The following MACROD2 variants were observed in gnomAD, a reference collection of about 807,000 sequenced individuals.
MACROD2 encodes mono-ADP ribosylhydrolase 2, also known as ADP-ribose glycohydrolase MACROD2.
A neutral mutation model predicts 70.4 loss-of-function variants in MACROD2; 36 were observed. The ratio of observed to expected loss-of-function variants is 0.51; its 90% CI spans 0.39 to 0.68. MACROD2 has a LOEUF of 0.68. Ranked by LOEUF, MACROD2 falls within the 30% of genes least tolerant of loss-of-function variation. MACROD2 has a pLI of 0.00. For missense variants in MACROD2, 496 were observed against 538.4 expected (o/e 0.92, Z 0.78); for synonymous variants, 172 against 178.8 (o/e 0.96, Z 0.30).
intron 8 of MACROD2, among the ~76,000 whole-genome samples, chr20:15,551,426 T>C (rs757391305): frequency 6.6e-6 from 1 of 152,114 alleles, no homozygotes; most frequent in Non-Finnish European, 1.5e-5. Flanking sequence ...TATCATATTA[T>C]TATTTTACCA....
At chr20:14,376,222 A>G (rs1052218130) in intron 3 of MACROD2, among the ~76,000 whole-genome samples, 1 of 152,174 alleles carries the variant, frequency 6.6e-6, no homozygotes, top group African/African-American at 2.4e-5. Flanking sequence ...TCTTCCTTAA[A>G]GTCTGCTTTT....
At chr20:14,745,869 G>T (rs967062725) in intron 5 of MACROD2, among the ~76,000 whole-genome samples, 4 of 152,108 alleles carry the variant, frequency 2.6e-5, no homozygotes, top group Non-Finnish European at 5.9e-5. Context: ...TGCTTCTGAT[G>T]AAAACTTACT....
At chr20:14,848,863 C>T (rs896834117) in intron 5 of MACROD2, among the ~76,000 whole-genome samples, 17 of 151,970 alleles carry the variant, frequency 1.1e-4, no homozygotes, top group Non-Finnish European at 1.8e-4. Flanking sequence ...GAGGTTGTGC[C>T]GTCTAATTAG....
intron 8 of MACROD2, among the ~76,000 whole-genome samples, chr20:15,854,505 A>G (rs892756515): frequency 6.6e-6 from 1 of 152,196 alleles, no homozygotes; most frequent in Non-Finnish European, 1.5e-5. Flanking sequence ...TAACACTTTG[A>G]TTGCAGCTTT....
intron 4 of MACROD2, among the ~76,000 whole-genome samples, chr20:14,561,298 A>C (rs1416823540): frequency 6.6e-6 from 1 of 151,790 alleles, no homozygotes; most frequent in African/African-American, 2.4e-5. Context: ...AACTTTTTCA[A>C]ATTTTTCTTT....
At chr20:15,777,492 TTTTTC>T (rs1231056172) in intron 8 of MACROD2, among the ~76,000 whole-genome samples, 160 of 149,472 alleles carry the variant, frequency 1.1e-3, no homozygotes, top group African/African-American at 3.9e-3. Context: ...TTGATTCTTT[TTTTTC>T]CTTCCTTCCT....
chr20:14,599,388 T>C (rs759769872), intron 4 of MACROD2, among the ~76,000 whole-genome samples: 1 of 152,130 alleles, frequency 6.6e-6, no homozygotes, highest in Non-Finnish European at 1.5e-5. Context: ...ATTGGGACTT[T>C]GGAGGATGGG....
intron 3 of MACROD2, among the ~76,000 whole-genome samples, chr20:14,421,403 T>A (rs536681781): frequency 6.6e-6 from 1 of 152,218 alleles, no homozygotes; most frequent in Non-Finnish European, 1.5e-5. Flanking sequence ...TTAGTAGTTA[T>A]GAGTCTATCC....
At chr20:14,205,007 A>ACTAGCTGTAACTAGCTACATATAT (rs1375763247) in intron 3 of MACROD2, among the ~76,000 whole-genome samples, 22 of 152,222 alleles carry the variant, frequency 1.4e-4, no homozygotes, top group Admixed American at 1.4e-3. Flanking sequence ...AGAGAGAGGA[A>ACTAGCTGTAACTAGCTACATATAT]ATGCTGTAAC....
chr20:14,062,994 G>T (rs1285004465), intron 2 of MACROD2, among the ~76,000 whole-genome samples: 1 of 152,110 alleles, frequency 6.6e-6, no homozygotes, highest in Non-Finnish European at 1.5e-5. Context: ...GAAACTGTAC[G>T]ATCTTGCAGT....
intron 9 of MACROD2, among the ~76,000 whole-genome samples, chr20:15,876,584 G>A (rs902387354): frequency 1.3e-5 from 2 of 152,122 alleles, no homozygotes; most frequent in Admixed American, 1.3e-4. Context: ...ATGTGTGCGT[G>A]TGTCTTTATA....
At chr20:15,980,835 C>G (rs558893379) in intron 13 of MACROD2, among the ~76,000 whole-genome samples, 9 of 152,062 alleles carry the variant, frequency 5.9e-5, no homozygotes, top group Admixed American at 3.9e-4. Context: ...AGTTTTTTGC[C>G]GGGCCAGAAT....
chr20:15,441,875 A>G (rs2046498967), intron 7 of MACROD2, among the ~76,000 whole-genome samples: 1 of 152,184 alleles, frequency 6.6e-6, no homozygotes, highest in Non-Finnish European at 1.5e-5. Flanking sequence ...GGAAATAGAA[A>G]AACTATGCTA....
intron 5 of MACROD2, among the ~76,000 whole-genome samples, chr20:15,137,242 A>G (rs1437076991): frequency 1.3e-5 from 2 of 151,812 alleles, no homozygotes; most frequent in African/African-American, 2.4e-5. Flanking sequence ...TCATGCTGCT[A>G]TAAAGACACA....
At position 15,659,304 on chromosome 20, in the gene MACROD2, C is replaced by CTTTTTTTTT. The variant is rs11468344; in HGVS notation, c.645+159478_645+159486dup. ...ATCAAAAGCTTGCAAGATAGCACAG[C>CTTTTTTTTT]TTTTTTTTTTTTTTTTTTTTTTTTT... On this transcript the variant is annotated intron_variant, in intron 8 of 17. Transcript: ENST00000684519. 6.0e-5 allele frequency among the ~76,000 whole-genome samples: 4 copies of CTTTTTTTTT among 67,220 alleles called. 1 individual carries two copies. The highest frequency in any genetic ancestry group is 4.9e-4 in the Admixed American group (2 of 4,072). The allele number at this position is 67,220 out of a possible 152,430, so 44.1% of individuals were successfully genotyped here. A position where few individuals can be genotyped will look rare whatever the true frequency, so the allele number is the denominator to read the frequency against.
intron 3 of MACROD2, among the ~76,000 whole-genome samples, chr20:14,363,992 C>T (rs1019752421): frequency 1.3e-5 from 2 of 151,992 alleles, no homozygotes; most frequent in Admixed American, 1.3e-4. Flanking sequence ...CTTGGCCACA[C>T]CCTGTACTAA....
chr20:15,422,725 A>G (rs2046246691), intron 6 of MACROD2, among the ~76,000 whole-genome samples: 1 of 152,146 alleles, frequency 6.6e-6, no homozygotes, highest in Non-Finnish European at 1.5e-5. Flanking sequence ...TCTCTCTATC[A>G]CCTTTATCTT....
At chr20:14,635,988 GA>G (rs1368846596) in intron 4 of MACROD2, among the ~76,000 whole-genome samples, 2 of 152,056 alleles carry the variant, frequency 1.3e-5, no homozygotes, top group Non-Finnish European at 2.9e-5. Flanking sequence ...TGTTCAATGG[GA>G]AAAGTGGAAT....
At chr20:15,049,045 C>A (rs2075418397) in intron 5 of MACROD2, among the ~76,000 whole-genome samples, 1 of 151,540 alleles carries the variant, frequency 6.6e-6, no homozygotes, top group African/African-American at 2.4e-5. Context: ...AAATGAATAA[C>A]CCTTATCACT....
Sources: allele counts gnomAD v4.1 joint callset (sites outside exome capture counted in the v4.1 genomes callset), GRCh38; gene constraint gnomAD v4.1.1; transcripts MANE v1.5; gene names NCBI Gene and HGNC (gene_info 2026-07-23, HGNC 2026-07-21).